The following KCNQ5 variants were observed in gnomAD, a reference collection of about 807,000 sequenced individuals.
The protein encoded by KCNQ5 is potassium voltage-gated channel subfamily Q member 5.
A neutral mutation model predicts 98.2 loss-of-function variants in KCNQ5; 30 were observed. The observed-to-expected ratio is 0.31, with a 90% CI of 0.23 to 0.41. KCNQ5 has a LOEUF of 0.41. Among genes scored for constraint, KCNQ5 ranks in the 10% least tolerant of loss-of-function variants. The pLI, the probability that KCNQ5 is intolerant of heterozygous loss-of-function variation, is 1.00. For synonymous variants in KCNQ5, 458 were observed against 449.4 expected, an observed-to-expected ratio of 1.02 and a Z score of -0.24; for missense variants, 835 against 1,182.5, an observed-to-expected ratio of 0.71 and a Z score of 4.31.
intron 2 of KCNQ5, among the ~76,000 whole-genome samples, chr6:73,038,439 T>C (rs1205049888): frequency 6.6e-6 from 1 of 152,082 alleles, no homozygotes; most frequent in African/African-American, 2.4e-5. Flanking sequence ...AGTATACATC[T>C]TGGTTGTTCT....
At chr6:72,930,178 T>C (rs1765626684) in intron 1 of KCNQ5, among the ~76,000 whole-genome samples, 1 of 152,076 alleles carries the variant, frequency 6.6e-6, no homozygotes. Flanking sequence ...ACAGTGTTCC[T>C]TATGTGGAGT....
At chr6:72,797,461 C>G (rs933650879) in intron 1 of KCNQ5, among the ~76,000 whole-genome samples, 3 of 150,186 alleles carry the variant, frequency 2.0e-5, no homozygotes, top group Non-Finnish European at 4.4e-5. Context: ...GCAGTGATCA[C>G]TCCACTGCAC....
intron 3 of KCNQ5, among the ~76,000 whole-genome samples, chr6:73,068,611 G>A (rs1393517995): frequency 1.3e-5 from 2 of 152,128 alleles, no homozygotes; most frequent in Admixed American, 6.5e-5. Flanking sequence ...GAAAGATTCA[G>A]TCACTTAACA....
In KCNQ5 at chr6:72,970,291, G is replaced by A. The variant is rs564198633; in HGVS notation, c.399-33617G>A. On this transcript the variant is annotated intron_variant, in intron 1 of 13. Transcript: ENST00000370398. ...ATAATAAAAGACAAATAAGAAACTA[G>A]TCCCCCATAATTCAAACATGCTTAT... Among the ~76,000 whole-genome samples the A allele has an allele frequency of 6.6e-5, 10 of 151,952 alleles. No individual in the cohort carries two copies. The East Asian group carries it at 1.9e-3, about 29-fold the overall frequency.
At chr6:73,178,231 G>A (rs369235015) in intron 11 of KCNQ5, among the ~76,000 whole-genome samples, 1 of 150,122 alleles carries the variant, frequency 6.7e-6, no homozygotes, top group African/African-American at 2.5e-5. Context: ...AGACTTCTTC[G>A]GATCTGGAAG....
At chr6:72,962,403 C>T (rs1435455979) in intron 1 of KCNQ5, among the ~76,000 whole-genome samples, 2 of 151,532 alleles carry the variant, frequency 1.3e-5, no homozygotes, top group Non-Finnish European at 2.9e-5. Flanking sequence ...ACATACATTA[C>T]TCAAGTGATG....
chr6:72,641,656 CTCA>C (rs575096839), intron 1 of KCNQ5, among the ~76,000 whole-genome samples: 7 of 151,932 alleles, frequency 4.6e-5, no homozygotes, highest in Admixed American at 2.0e-4. Flanking sequence ...GTTCTCCCTC[CTCA>C]TATTTGTCTA....
At chr6:72,900,541 A>G (rs899151282) in intron 1 of KCNQ5, among the ~76,000 whole-genome samples, 1 of 149,008 alleles carries the variant, frequency 6.7e-6, no homozygotes, top group Non-Finnish European at 1.5e-5. Context: ...CAGTTTCTTT[A>G]TTCCCTGTTG....
At chr6:72,635,640 T>A (rs866330205) in intron 1 of KCNQ5, among the ~76,000 whole-genome samples, 1 of 151,692 alleles carries the variant, frequency 6.6e-6, no homozygotes, top group African/African-American at 2.4e-5. Context: ...TTGGTCTTAT[T>A]GTATTTTTCT....
chr6:72,722,931 C>A (rs913766766), intron 1 of KCNQ5, among the ~76,000 whole-genome samples: 1 of 148,272 alleles, frequency 6.7e-6, no homozygotes, highest in African/African-American at 2.5e-5. Flanking sequence ...CTCACTGCAT[C>A]CTTGACTTCC....
intron 1 of KCNQ5, among the ~76,000 whole-genome samples, chr6:72,681,678 C>A (rs1767719315): frequency 1.3e-5 from 2 of 152,174 alleles, no homozygotes; most frequent in South Asian, 4.1e-4. Flanking sequence ...TGTTCCGGAT[C>A]TTGCGCCTTC....
intron 1 of KCNQ5, among the ~76,000 whole-genome samples, chr6:72,818,500 T>C (rs1188071999): frequency 2.6e-5 from 4 of 152,000 alleles, no homozygotes; most frequent in Non-Finnish European, 5.9e-5. Context: ...ATCTTAATTA[T>C]TGGTTTTATA....
intron 1 of KCNQ5, among the ~76,000 whole-genome samples, chr6:72,862,640 A>AT (rs2150154246): frequency 6.6e-6 from 1 of 151,998 alleles, no homozygotes; most frequent in Non-Finnish European, 1.5e-5. Flanking sequence ...TTATTTATTT[A>AT]TTTTTGAGAC....
chr6:72,647,869 C>T (rs1765678591), intron 1 of KCNQ5, among the ~76,000 whole-genome samples: 1 of 152,134 alleles, frequency 6.6e-6, no homozygotes. Flanking sequence ...GTAATGTTGA[C>T]TGTTAAGATA....
intron 1 of KCNQ5, among the ~76,000 whole-genome samples, chr6:72,807,763 C>T (rs1174674176): frequency 2.0e-5 from 3 of 152,166 alleles, no homozygotes; most frequent in African/African-American, 7.2e-5. Context: ...ATCCTCCCAC[C>T]TAGGCCTCCT....
intron 1 of KCNQ5, among the ~76,000 whole-genome samples, chr6:72,976,008 A>G (rs1233142038): frequency 6.6e-6 from 1 of 152,204 alleles, no homozygotes; most frequent in African/African-American, 2.4e-5. Context: ...CAAATTCATA[A>G]TTGATTTTTA....
chr6:73,040,568 A>G (rs1771642754), intron 2 of KCNQ5, among the ~76,000 whole-genome samples: 1 of 152,216 alleles, frequency 6.6e-6, no homozygotes. Context: ...ATTATTAATG[A>G]ATGTATGTTG....
At chr6:72,767,091 G>C (rs1250074785) in intron 1 of KCNQ5, among the ~76,000 whole-genome samples, 1 of 151,944 alleles carries the variant, frequency 6.6e-6, no homozygotes, top group Non-Finnish European at 1.5e-5. Context: ...CGAGTGGATA[G>C]GTATAATTCA....
At chr6:72,896,087 TA>T (rs1244593408) in intron 1 of KCNQ5, among the ~76,000 whole-genome samples, 14 of 152,206 alleles carry the variant, frequency 9.2e-5, no homozygotes, top group African/African-American at 3.1e-4. Context: ...TCTATTAAAT[TA>T]TAACAAAGTT....
Sources: allele counts gnomAD v4.1 joint callset (sites outside exome capture counted in the v4.1 genomes callset), GRCh38; gene constraint gnomAD v4.1.1; transcripts MANE v1.5; gene names NCBI Gene and HGNC (gene_info 2026-07-23, HGNC 2026-07-21).